Variants in TMEM26 observed in about 807,000 individuals in gnomAD.
TMEM26 encodes the protein transmembrane protein 26.
TMEM26 carries 38 observed loss-of-function variants against 28.8 expected under a neutral mutation model. That is an observed-to-expected ratio of 1.32 (90% CI 1.02 to 1.73). TMEM26 has a LOEUF of 1.73. Ranked by LOEUF, TMEM26 falls within the 40% of genes most tolerant of loss-of-function variation. The probability of loss-of-function intolerance (pLI) is 0.00; values close to 1 mark genes in which losing one functional copy is unlikely to be tolerated. For missense variants in TMEM26, 518 were observed against 447.1 expected (o/e 1.16, Z -1.43); for synonymous variants, 227 against 182.9 (o/e 1.24, Z -1.95).
At position 61,440,833 on chromosome 10, in the gene TMEM26, C is replaced by A. The variant is rs146551482; in HGVS notation, c.192-4585G>T. Among the ~76,000 whole-genome samples the A allele has an allele frequency of 3.2e-3, 483 of 152,320 alleles. 3 individuals are homozygous for A. The highest frequency in any genetic ancestry group is 0.011 in the African/African-American group (466 of 41,576). The stretch of plus-strand genomic sequence containing the variant: ...GTGCCTGTCTGCTCAAAAGTGCAGT[C>A]ATCCCTTAGTATCTGGGGGGGATTG... On this transcript the variant is annotated intron_variant, in intron 1 of 5. Transcript: ENST00000399298.
chr10:61,431,532 A>G (rs1839923432), intron 2 of TMEM26, among the ~76,000 whole-genome samples, 200 bp from the exon 3 acceptor site: 2 of 152,122 alleles, frequency 1.3e-5, no homozygotes, highest in South Asian at 2.1e-4. Context: ...AATGTCAAGT[A>G]TACAAATCTT....
chr10:61,435,075 A>G (rs1839981848), intron 2 of TMEM26, among the ~76,000 whole-genome samples: 1 of 152,232 alleles, frequency 6.6e-6, no homozygotes, highest in Non-Finnish European at 1.5e-5. Flanking sequence ...GTACAGGAAC[A>G]TCAACAGCAG....
intron 4 of TMEM26, among the ~76,000 whole-genome samples, chr10:61,420,996 GATATA>G (rs1377272605): frequency 1.3e-5 from 2 of 151,754 alleles, no homozygotes; most frequent in Middle Eastern, 3.2e-3. Context: ...AACATACAAA[GATATA>G]ATATATGTAT....
intron 1 of TMEM26, among the ~76,000 whole-genome samples, chr10:61,438,098 A>G (rs1364421649): frequency 3.9e-5 from 6 of 152,078 alleles, no homozygotes; most frequent in Admixed American, 3.9e-4. Flanking sequence ...TCCTAGAGAG[A>G]GGAAGGGAGA....
At chr10:61,442,058 A>T (rs1049402121) in intron 1 of TMEM26, among the ~76,000 whole-genome samples, 1 of 147,600 alleles carries the variant, frequency 6.8e-6, no homozygotes, top group South Asian at 2.1e-4. Flanking sequence ...TTGTTTATGA[A>T]ATATGTATAT....
intron 4 of TMEM26, chr10:61,414,201 T>C: frequency 3.1e-6 from 1 of 325,518 alleles, no homozygotes; most frequent in African/African-American, 2.2e-5. Context: ...CTCAGACAAA[T>C]ATACAAATGT....
intron 4 of TMEM26, chr10:61,414,808 A>AT (rs930998077): frequency 2.3e-5 from 5 of 214,802 alleles, no homozygotes; most frequent in Non-Finnish European, 4.0e-5. Context: ...CTCTTAAAAA[A>AT]TATAGTTAGG....
At chr10:61,434,865 G>C (rs995928695) in intron 2 of TMEM26, among the ~76,000 whole-genome samples, 1 of 152,158 alleles carries the variant, frequency 6.6e-6, no homozygotes, top group African/African-American at 2.4e-5. Flanking sequence ...GCTTAACCTT[G>C]CTATAAAATG....
At chr10:61,423,343 A>T (rs982886034) in intron 4 of TMEM26, among the ~76,000 whole-genome samples, 3 of 152,228 alleles carry the variant, frequency 2.0e-5, no homozygotes, top group Admixed American at 2.0e-4. Context: ...GAGGTATTTG[A>T]TGAAGTCAGC....
intron 1 of TMEM26, among the ~76,000 whole-genome samples, chr10:61,439,866 T>C (rs542844139): frequency 3.0e-4 from 46 of 152,344 alleles, no homozygotes; most frequent in African/African-American, 9.6e-4. Context: ...TGAAGGACTC[T>C]TAGAGGACAC....
intron 1 of TMEM26, among the ~76,000 whole-genome samples, chr10:61,450,393 T>C (rs1384762076): frequency 6.6e-6 from 1 of 152,126 alleles, no homozygotes; most frequent in Admixed American, 6.5e-5. Flanking sequence ...AAATTGAACG[T>C]TTTTTCATTG....
rs923840825 is a variant in TMEM26, at chr10:61,407,413, A to G, written c.*2909T>C. ...CAGACTCTTCACTGGAAGATTATAA[A>G]GCATGTTATTGGCCAATTCAAAATT... On this transcript the variant is annotated 3_prime_UTR_variant, in exon 6 of 6. Transcript: ENST00000399298. The G allele has an allele frequency of 2.6e-5, 4 of 152,192 alleles. No homozygotes were observed. Among genetic ancestry groups the G allele is most frequent in the African/African-American group, 9.6e-5 (4 of 41,452 alleles). 9.4% of individuals were successfully genotyped at this position (152,192 alleles called of 1,614,324 possible).
chr10:61,447,939 T>C (rs1274009676), intron 1 of TMEM26, among the ~76,000 whole-genome samples: 1 of 152,272 alleles, frequency 6.6e-6, no homozygotes, highest in African/African-American at 2.4e-5. Flanking sequence ...TTAATTCATC[T>C]GTTTATTAAT....
At position 61,453,070 on chromosome 10, in the gene TMEM26, C is replaced by G; in HGVS notation, c.12G>C (p.Leu4=). The G allele has an allele frequency of 6.2e-7, 1 of 1,613,076 alleles. No individual in the cohort carries two copies. The highest frequency in any genetic ancestry group is 8.5e-7 in the Non-Finnish European group (1 of 1,179,826). The part of the protein sequence containing the change: MEG[L]VFLNALATRL... ...GAGTGGCCAGGGCGTTAAGGAAGAC[C>G]AGTCCCTCCATGCTGGCCGGAGCAC... The change falls in exon 1 of 6, where the codon CTG becomes CTC. Residue 4 remains leucine, a synonymous_variant. Transcript: ENST00000399298.
chr10:61,424,834 A>G (rs1343362786), intron 4 of TMEM26, among the ~76,000 whole-genome samples: 1 of 152,230 alleles, frequency 6.6e-6, no homozygotes, highest in Non-Finnish European at 1.5e-5. Context: ...ACTCCTTTCA[A>G]CAAATGGTAT....
chr10:61,439,491 G>A (rs886516337), intron 1 of TMEM26, among the ~76,000 whole-genome samples: 2 of 152,180 alleles, frequency 1.3e-5, no homozygotes, highest in Admixed American at 6.5e-5. Context: ...AGAGACTACT[G>A]ATATCTACAA....
chr10:61,444,889 ACT>A (rs1431429608), intron 1 of TMEM26, among the ~76,000 whole-genome samples: 2 of 152,102 alleles, frequency 1.3e-5, no homozygotes, highest in Non-Finnish European at 2.9e-5. Flanking sequence ...GCATAAAGGC[ACT>A]ACCAGGGCTA....
intron 1 of TMEM26, among the ~76,000 whole-genome samples, chr10:61,440,854 G>T (rs1840081062): frequency 1.3e-5 from 2 of 152,152 alleles, no homozygotes; most frequent in African/African-American, 2.4e-5. Context: ...ATCTGGGGGG[G>T]ATTGGTTCTA....
Position 61,436,248 on chromosome 10 carries a change from C to T in TMEM26, c.192G>A (p.Trp64Ter). 1 of 1,579,474 alleles carries T rather than the reference C, an allele frequency of 6.3e-7. No individual in the cohort carries two copies. Among genetic ancestry groups the T allele is most frequent in the Middle Eastern group, 1.7e-4 (1 of 5,860 alleles). Residue 64 changes from tryptophan to a stop codon, truncating the protein, a stop_gained and splice_region_variant, in exon 2 of 6, where the codon TGG becomes TGA. Transcript: ENST00000399298. LOFTEE classifies it high-confidence loss of function. ...GATATAAAAATATGGCTGGTGAAAA[C>T]CTGTGAAAAGAGAGAAGAAAAAATA... ...LKFKRGRGYK[W>*]FSPAIFLYLI...
Sources: allele counts gnomAD v4.1 joint callset (sites outside exome capture counted in the v4.1 genomes callset), GRCh38; gene constraint gnomAD v4.1.1; transcripts MANE v1.5; gene names NCBI Gene and HGNC (gene_info 2026-07-23, HGNC 2026-07-21).